The following CTNND2 variants were observed in gnomAD, a reference collection of about 807,000 sequenced individuals.
The protein encoded by CTNND2 is catenin delta-2.
CTNND2 carries 22 observed loss-of-function variants against 144.4 expected under a neutral mutation model. That is an observed-to-expected ratio of 0.15 (90% CI 0.11 to 0.22). The LOEUF (loss-of-function observed/expected upper bound fraction) is 0.22, where lower values mean the gene tolerates loss of function less well. Ranked by LOEUF, CTNND2 falls within the 10% of genes least tolerant of loss-of-function variation. The pLI, the probability that CTNND2 is intolerant of heterozygous loss-of-function variation, is 1.00. For missense variants in CTNND2, 1,353 were observed against 1,618.8 expected, an observed-to-expected ratio of 0.84 and a Z score of 2.82; for synonymous variants, 751 against 695.6, an observed-to-expected ratio of 1.08 and a Z score of -1.25.
At chr5:11,652,618 G>A (rs1037724968) in intron 2 of CTNND2, among the ~76,000 whole-genome samples, 2 of 152,078 alleles carry the variant, frequency 1.3e-5, no homozygotes, top group African/African-American at 4.8e-5. Context: ...AAGATGTAGA[G>A]CAAAAATTTA....
intron 1 of CTNND2, among the ~76,000 whole-genome samples, chr5:11,796,591 C>T (rs1295008119): frequency 1.3e-5 from 1 of 75,154 alleles, no homozygotes; most frequent in Non-Finnish European, 3.5e-5. Flanking sequence ...AGCTTTCCTT[C>T]AAGGGCATAT....
chr5:11,876,951 G>A lies in CTNND2; in HGVS notation c.37+26866C>T, dbSNP rs187730152. Among the ~76,000 whole-genome samples the A allele has an allele frequency of 1.2e-4, 18 of 152,214 alleles. No homozygotes were observed. In the East Asian group the frequency reaches 3.5e-3, roughly 29 times the overall value. ...AAGACCTTAGAGTCCCTTGAAATTTGTAAGTAAATATTATCTGCACATAGT... is the reference window on the plus strand; with the variant it reads ...AAGACCTTAGAGTCCCTTGAAATTTATAAGTAAATATTATCTGCACATAGT... On this transcript the variant is annotated intron_variant, in intron 1 of 21. Transcript: ENST00000304623.
intron 8 of CTNND2, among the ~76,000 whole-genome samples, chr5:11,350,874 T>A (rs1755263904): frequency 6.6e-6 from 1 of 152,184 alleles, no homozygotes; most frequent in Admixed American, 6.5e-5. Flanking sequence ...TTTAAATGAA[T>A]GAAAATCATT....
At chr5:11,130,717 A>T (rs1755505841) in intron 12 of CTNND2, among the ~76,000 whole-genome samples, 1 of 152,102 alleles carries the variant, frequency 6.6e-6, no homozygotes, top group African/African-American at 2.4e-5. Context: ...TTGGGGAATG[A>T]GCTGTACTCA....
intron 2 of CTNND2, among the ~76,000 whole-genome samples, chr5:11,626,000 C>T (rs1415110151): frequency 6.6e-6 from 1 of 152,084 alleles, no homozygotes; most frequent in Non-Finnish European, 1.5e-5. Flanking sequence ...AAATATATAA[C>T]GTTTCTGCTG....
At chr5:11,098,799 C>T in intron 14 of CTNND2, 51 bp from the exon 15 acceptor site, 1 of 1,570,152 alleles carries the variant, frequency 6.4e-7, no homozygotes, top group Non-Finnish European at 8.7e-7. Flanking sequence ...TTTATGCTTC[C>T]CAACTTTGCC....
intron 1 of CTNND2, among the ~76,000 whole-genome samples, chr5:11,893,058 A>G (rs1481638584): frequency 6.6e-6 from 1 of 152,208 alleles, no homozygotes; most frequent in Non-Finnish European, 1.5e-5. Flanking sequence ...ACCGCCTGCC[A>G]TTCTGTAGGT....
At chr5:11,810,188 T>C (rs2126906644) in intron 1 of CTNND2, among the ~76,000 whole-genome samples, 1 of 152,276 alleles carries the variant, frequency 6.6e-6, no homozygotes, top group Non-Finnish European at 1.5e-5. Flanking sequence ...TAGTATCTAC[T>C]ATAGTAGTTT....
chr5:11,667,830 A>C (rs1022514512), intron 2 of CTNND2, among the ~76,000 whole-genome samples: 1 of 152,144 alleles, frequency 6.6e-6, no homozygotes, highest in African/African-American at 2.4e-5. Flanking sequence ...TTAGTCATGA[A>C]GTCTTTGACC....
intron 9 of CTNND2, among the ~76,000 whole-genome samples, chr5:11,269,870 T>C (rs1266079729): frequency 6.6e-6 from 1 of 152,178 alleles, no homozygotes; most frequent in African/African-American, 2.4e-5. Context: ...AGTTAGATGC[T>C]TCTCTAGAAA....
chr5:11,670,225 G>C (rs1783810393), intron 2 of CTNND2, among the ~76,000 whole-genome samples: 1 of 152,176 alleles, frequency 6.6e-6, no homozygotes, highest in Admixed American at 6.5e-5. Flanking sequence ...TGTATATACT[G>C]TTGATTTGGG....
intron 11 of CTNND2, among the ~76,000 whole-genome samples, chr5:11,173,107 C>A (rs975133275): frequency 6.6e-6 from 1 of 152,254 alleles, no homozygotes; most frequent in African/African-American, 2.4e-5. Context: ...TGTATACAGT[C>A]AGGACTCACA....
chr5:11,474,503 A>G (rs1279254239), intron 3 of CTNND2, among the ~76,000 whole-genome samples: 2 of 152,246 alleles, frequency 1.3e-5, no homozygotes, highest in African/African-American at 2.4e-5. Context: ...AAACAAGCAC[A>G]TAAGAGAAGA....
intron 17 of CTNND2, 68 bp downstream of exon 17, chr5:11,022,701 A>T: frequency 8.7e-7 from 1 of 1,146,464 alleles, no homozygotes; most frequent in Non-Finnish European, 1.3e-6. Flanking sequence ...ACCCGTCATC[A>T]GGAGTTGAAA....
intron 1 of CTNND2, among the ~76,000 whole-genome samples, chr5:11,809,087 T>C (rs1274842494): frequency 6.6e-6 from 1 of 152,176 alleles, no homozygotes; most frequent in East Asian, 1.9e-4. Context: ...ATTCTAAATG[T>C]ACAAAATGTG....
intron 17 of CTNND2, 143 bp downstream of exon 17, chr5:11,022,626 C>A: frequency 4.5e-6 from 3 of 672,322 alleles, no homozygotes; most frequent in Non-Finnish European, 7.9e-6. Context: ...AGACTGGAAA[C>A]CATTTGCCAT....
Position 10,996,228 on chromosome 5 carries a change from G to A in CTNND2, c.3085-3551C>T, listed in dbSNP as rs144867536. Reference sequence around the variant, plus strand: ...GCAACTTGGAGAGAGACAAGGGAACGTCACGGAAGCTAAGCCCAGTAGGGA... The same window carrying A: ...GCAACTTGGAGAGAGACAAGGGAACATCACGGAAGCTAAGCCCAGTAGGGA... On this transcript the variant is annotated intron_variant, in intron 18 of 21. Transcript: ENST00000304623. Among the ~76,000 whole-genome samples the A allele has an allele frequency of 5.0e-4, 76 of 152,320 alleles. No homozygotes were observed. In the East Asian group the frequency reaches 0.012, roughly 24 times the overall value.
chr5:11,319,457 G>T (rs1285219676), intron 9 of CTNND2, among the ~76,000 whole-genome samples: 2 of 152,136 alleles, frequency 1.3e-5, no homozygotes, highest in Non-Finnish European at 2.9e-5. Flanking sequence ...GAAGTCATTT[G>T]CAAAGTTTTT....
chr5:11,462,370 A>G (rs1766296086), intron 3 of CTNND2, among the ~76,000 whole-genome samples: 1 of 152,114 alleles, frequency 6.6e-6, no homozygotes, highest in Admixed American at 6.5e-5. Context: ...TTGACCTATT[A>G]TAAAGCACTG....
Sources: gnomAD v4.1 joint callset for allele counts (sites outside exome capture counted in the v4.1 genomes callset) on GRCh38, gnomAD v4.1.1 for gene constraint, MANE v1.5 for transcripts, NCBI Gene and HGNC (gene_info 2026-07-23, HGNC 2026-07-21) for gene names.